The following GRAMD2B variants were observed in gnomAD, a reference collection of about 807,000 sequenced individuals.
The protein encoded by GRAMD2B is GRAM domain-containing protein 2B.
In GRAMD2B, 41 loss-of-function variants were observed where a neutral mutation model predicts 59.2. That is an observed-to-expected ratio of 0.69 (90% CI 0.54 to 0.90). The LOEUF (loss-of-function observed/expected upper bound fraction) is 0.90. Among genes scored for constraint, GRAMD2B ranks in the 40% least tolerant of loss-of-function variants. GRAMD2B has a pLI of 0.00. For missense variants in GRAMD2B, 424 were observed against 500.5 expected, an observed-to-expected ratio of 0.85 and a Z score of 1.46; for synonymous variants, 161 against 182.7, an observed-to-expected ratio of 0.88 and a Z score of 0.96.
chr5:126,385,854 A>G (rs1207897440), intron 1 of GRAMD2B, among the ~76,000 whole-genome samples: 1 of 152,172 alleles, frequency 6.6e-6, no homozygotes, highest in Non-Finnish European at 1.5e-5. Context: ...AATGAAACAG[A>G]ACATGAGACT....
intron 1 of GRAMD2B, among the ~76,000 whole-genome samples, chr5:126,452,759 A>G (rs1416647832): frequency 6.6e-6 from 1 of 152,068 alleles, no homozygotes; most frequent in African/African-American, 2.4e-5. Context: ...TGAAGTTCTC[A>G]TCCTCACAGT....
intron 1 of GRAMD2B, among the ~76,000 whole-genome samples, chr5:126,402,538 C>A (rs1757925222): frequency 6.6e-6 from 1 of 151,966 alleles, no homozygotes. Context: ...AGACTGGAAC[C>A]ACCTTTATAA....
upstream of GRAMD2B, among the ~76,000 whole-genome samples, chr5:126,367,467 G>A (rs1452346159): frequency 1.3e-5 from 2 of 151,404 alleles, no homozygotes; most frequent in South Asian, 2.1e-4. Flanking sequence ...GGAGGAGGAG[G>A]AGGAAGTAGA....
At chr5:126,360,420 A>T in exon 1 of GRAMD2B, 1 of 1,551,358 alleles carries the variant, frequency 6.4e-7, no homozygotes, top group Non-Finnish European at 8.7e-7. Flanking sequence ...AGTATGTTCC[A>T]CGGGAGAGAA....
upstream of GRAMD2B, among the ~76,000 whole-genome samples, chr5:126,418,872 T>C (rs1407746982): frequency 6.6e-6 from 1 of 152,234 alleles, no homozygotes; most frequent in East Asian, 1.9e-4. Context: ...CTGGCTTTAA[T>C]TGAAAACAGG....
chr5:126,361,973 C>A (rs1393487234), intron 1 of GRAMD2B, among the ~76,000 whole-genome samples: 2 of 152,180 alleles, frequency 1.3e-5, no homozygotes, highest in African/African-American at 4.8e-5. Flanking sequence ...GCATTCCCAG[C>A]AATGCACACA....
chr5:126,407,885 C>G (rs920742280), intron 1 of GRAMD2B, among the ~76,000 whole-genome samples: 1 of 151,906 alleles, frequency 6.6e-6, no homozygotes, highest in African/African-American at 2.4e-5. Flanking sequence ...TATATATTAT[C>G]TCTTTATATT....
At chr5:126,423,721 A>C (rs1760070169) in intron 1 of GRAMD2B, 32 bp downstream of exon 1, 1 of 1,572,012 alleles carries the variant, frequency 6.4e-7, no homozygotes, top group African/African-American at 1.4e-5. Flanking sequence ...CCATCCAAGG[A>C]GGTGGGAGGA....
At chr5:126,370,220 G>A (rs1754675472), upstream of GRAMD2B, among the ~76,000 whole-genome samples, 1 of 152,196 alleles carries the variant, frequency 6.6e-6, no homozygotes, top group Non-Finnish European at 1.5e-5. Context: ...TAATATCACT[G>A]AAAGACTCAC....
chr5:126,388,885 T>G (rs921091236), intron 1 of GRAMD2B, among the ~76,000 whole-genome samples: 4 of 151,964 alleles, frequency 2.6e-5, no homozygotes, highest in African/African-American at 9.7e-5. Context: ...GGGTGAGAAT[T>G]GAAAAATTAT....
intron 1 of GRAMD2B, among the ~76,000 whole-genome samples, chr5:126,449,527 TC>T (rs1764943207): frequency 1.3e-5 from 2 of 149,762 alleles, no homozygotes; most frequent in South Asian, 2.1e-4. Context: ...CTCTTATTTT[TC>T]GCCATGGGAT....
intron 1 of GRAMD2B, among the ~76,000 whole-genome samples, chr5:126,432,383 C>T (rs1436171185): frequency 6.6e-6 from 1 of 152,134 alleles, no homozygotes; most frequent in Non-Finnish European, 1.5e-5. Context: ...AAACAGTATG[C>T]TAATTTTTGT....
At chr5:126,491,051 T>G (rs1017574641) in intron 13 of GRAMD2B, among the ~76,000 whole-genome samples, 1 of 152,150 alleles carries the variant, frequency 6.6e-6, no homozygotes, top group Admixed American at 6.5e-5. Flanking sequence ...TCATTGTGGT[T>G]TTTGCTTGTA....
intron 1 of GRAMD2B, among the ~76,000 whole-genome samples, chr5:126,412,986 G>T (rs1441121571): frequency 6.6e-6 from 1 of 151,798 alleles, no homozygotes; most frequent in Non-Finnish European, 1.5e-5. Flanking sequence ...TGCTTATTTA[G>T]ATCTTCTCTC....
In GRAMD2B at chr5:126,423,543, C is replaced by T. The variant is rs1580890193; in HGVS notation, c.-64C>T. On this transcript the variant is annotated 5_prime_UTR_variant, in exon 1 of 14. Coordinates refer to ENST00000285689, the MANE Select transcript of GRAMD2B (RefSeq NM_023927.4). ...GGCCTGCGCACCCGGACCTAGAAGC[C>T]GGGACGAGCCGGGGCAGAGCCAGGC... The T allele has an allele frequency of 6.4e-7, 1 of 1,572,502 alleles. No individual in the cohort carries two copies. Among genetic ancestry groups the T allele is most frequent in the Non-Finnish European group, 8.6e-7 (1 of 1,160,708 alleles).
intron 1 of GRAMD2B, among the ~76,000 whole-genome samples, chr5:126,457,750 C>A (rs549462563): frequency 2.4e-4 from 14 of 59,108 alleles, no homozygotes; most frequent in African/African-American, 4.1e-4. Context: ...CACTAGGGCA[C>A]AGGTTTCTCA....
chr5:126,423,437 CCGCGGCCCCGGGAGCTTGG>C lies in GRAMD2B; in HGVS notation c.-161_-143del. 1.4e-6 allele frequency: 2 copies of C among 1,406,942 alleles called. No individual in the cohort carries two copies. The highest frequency in any genetic ancestry group is 1.5e-5 in the African/African-American group (1 of 65,460). 87.2% of individuals were successfully genotyped at this position (1,406,942 alleles called of 1,614,324 possible). ...CGCGCCCGCTCCGACGTGTCCAGGTCCGCGGCCCCGGGAGCTTGGCGCGGCCCGGCCTGGATGCGCTGGG... is the reference window on the plus strand; with the variant it reads ...CGCGCCCGCTCCGACGTGTCCAGGTCCGCGGCCCGGCCTGGATGCGCTGGG... On this transcript the variant is annotated 5_prime_UTR_variant, in exon 1 of 14. Transcript: ENST00000285689.
intron 1 of GRAMD2B, among the ~76,000 whole-genome samples, chr5:126,445,897 A>G (rs1044616010): frequency 2.0e-5 from 3 of 152,318 alleles, no homozygotes; most frequent in African/African-American, 7.2e-5. Context: ...TAGCCAGAGC[A>G]GGAAGGGCAA....
At chr5:126,371,643 G>T in intron 1 of GRAMD2B, 1 of 1,169,736 alleles carries the variant, frequency 8.5e-7, no homozygotes, top group South Asian at 1.6e-5. Context: ...GACCCTTGGA[G>T]AGCTCCTTTT....
Sources: gnomAD v4.1 joint callset for allele counts (sites outside exome capture counted in the v4.1 genomes callset) on GRCh38, gnomAD v4.1.1 for gene constraint, MANE v1.5 for transcripts, NCBI Gene and HGNC (gene_info 2026-07-23, HGNC 2026-07-21) for gene names.